ZNF354B: variants seen among roughly 807,000 people sequenced by gnomAD.
ZNF354B encodes zinc finger protein 354B.
In ZNF354B, 10 loss-of-function variants were observed where a neutral mutation model predicts 12.9. That is an observed-to-expected ratio of 0.77 (90% CI 0.48 to 1.31). The LOEUF is 1.31. ZNF354B is among the 40% of genes most tolerant of loss of function. ZNF354B has a pLI of 0.00. For synonymous variants in ZNF354B, 260 were observed against 243.7 expected, an observed-to-expected ratio of 1.07 and a Z score of -0.62; for missense variants, 614 against 711.7, an observed-to-expected ratio of 0.86 and a Z score of 1.56.
intron 1 of ZNF354B, among the ~76,000 whole-genome samples, chr5:178,860,337 G>A (rs988057286): frequency 7.1e-6 from 1 of 140,892 alleles, no homozygotes; most frequent in African/African-American, 2.5e-5. Context: ...CGCCCGCCGT[G>A]AACGCGGGGC....
At chr5:178,865,521 C>T (rs10045417) in intron 2 of ZNF354B, among the ~76,000 whole-genome samples, 2,195 of 152,230 alleles carry the variant, frequency 0.014, 61 homozygotes, top group African/African-American at 0.05. Flanking sequence ...GCCATCTCGG[C>T]CTCCCAAAGT....
At position 178,884,594 on chromosome 5, in the gene ZNF354B, G is replaced by T; in HGVS notation, c.*303G>T. The T allele has an allele frequency of 4.6e-6, 1 of 219,594 alleles. No homozygotes were observed. The highest frequency in any genetic ancestry group is 5.5e-5 in the Admixed American group (1 of 18,320). 13.6% of individuals were successfully genotyped at this position (219,594 alleles called of 1,614,324 possible). On this transcript the variant is annotated 3_prime_UTR_variant, in exon 5 of 5. Coordinates refer to ENST00000322434, the MANE Select transcript of ZNF354B (RefSeq NM_058230.3). The stretch of plus-strand genomic sequence containing the variant: ...AAAAGAAAAGTCTGGGTGCTGAGGT[G>T]CTGAATTTTTCATTAGAAAAACATT...
Position 178,866,304 on chromosome 5 carries a change from G to T in ZNF354B, c.94G>T (p.Ala32Ser). The change falls in exon 3 of 5, where the codon GCT (alanine) becomes TCT (serine). Residue 32 changes from alanine to serine, a missense_variant. Coordinates refer to ENST00000322434, the MANE Select transcript of ZNF354B (RefSeq NM_058230.3). Reference sequence around the variant, plus strand: ...TACCTGGGATGAGTGGAGAAAGCTGGCTCCTTCTCAGAGAAACTTGTACCG... The same window carrying T: ...TACCTGGGATGAGTGGAGAAAGCTGTCTCCTTCTCAGAGAAACTTGTACCG... ...LFTWDEWRKLAPSQRNLYRDV... is the reference protein window; with the variant it reads ...LFTWDEWRKLSPSQRNLYRDV... The T allele has an allele frequency of 6.2e-7, 1 of 1,614,112 alleles. No homozygotes were observed. Among genetic ancestry groups the T allele is most frequent in the South Asian group, 1.1e-5 (1 of 91,078 alleles).
intron 4 of ZNF354B, among the ~76,000 whole-genome samples, chr5:178,878,401 T>C (rs1757668973): frequency 6.6e-6 from 1 of 151,812 alleles, no homozygotes; most frequent in African/African-American, 2.4e-5. Context: ...AAAAAAAAGT[T>C]ACAGTTATGA....
At chr5:178,874,811 G>T (rs1581813630) in intron 4 of ZNF354B, among the ~76,000 whole-genome samples, 1 of 152,188 alleles carries the variant, frequency 6.6e-6, no homozygotes, top group Non-Finnish European at 1.5e-5. Flanking sequence ...CTGGGTTTTT[G>T]ATTTGCCAGA....
intron 2 of ZNF354B, among the ~76,000 whole-genome samples, chr5:178,861,772 C>T (rs1438361286): frequency 6.6e-6 from 1 of 152,166 alleles, no homozygotes; most frequent in African/African-American, 2.4e-5. Flanking sequence ...CAGATGGCAG[C>T]GTTTTAACCC....
chr5:178,872,092 G>A (rs1462632159), intron 4 of ZNF354B, among the ~76,000 whole-genome samples: 7 of 152,228 alleles, frequency 4.6e-5, no homozygotes, highest in South Asian at 2.1e-4. Context: ...ATCCCTCCTG[G>A]TATCCGTTTT....
At chr5:178,862,162 G>T (rs74642047) in intron 2 of ZNF354B, among the ~76,000 whole-genome samples, 22,803 of 151,798 alleles carry the variant, frequency 0.15, 2,101 homozygotes, top group African/African-American at 0.26. Flanking sequence ...TCTCTCACTC[G>T]CACAGTAGCA....
chr5:178,863,123 A>T (rs1757387240), intron 2 of ZNF354B, among the ~76,000 whole-genome samples: 1 of 152,188 alleles, frequency 6.6e-6, no homozygotes, highest in East Asian at 1.9e-4. Flanking sequence ...TTCTTTGAGA[A>T]CAAAGATCAT....
At chr5:178,864,438 A>G (rs1315972482) in intron 2 of ZNF354B, among the ~76,000 whole-genome samples, 2 of 152,134 alleles carry the variant, frequency 1.3e-5, no homozygotes, top group Non-Finnish European at 2.9e-5. Flanking sequence ...TATTCCCATA[A>G]TGATGAAATG....
chr5:178,864,733 C>T (rs1028999899), intron 2 of ZNF354B, among the ~76,000 whole-genome samples: 3 of 151,994 alleles, frequency 2.0e-5, no homozygotes, highest in Non-Finnish European at 2.9e-5. Flanking sequence ...AGCAATTCTC[C>T]TGCCTCAACC....
At chr5:178,866,915 G>T (rs1469715791) in intron 3 of ZNF354B, 61 bp from the exon 4 acceptor site, 2 of 1,512,942 alleles carry the variant, frequency 1.3e-6, no homozygotes, top group African/African-American at 2.8e-5. Flanking sequence ...ATAATCAAGG[G>T]ATACTTTGTT....
chr5:178,866,448 T>A, intron 3 of ZNF354B, 78 bp downstream of exon 3: 1 of 1,532,216 alleles, frequency 6.5e-7, no homozygotes, highest in Admixed American at 2.2e-5. Context: ...TAAAAGCAGT[T>A]GATCACTGAA....
At chr5:178,878,736 C>T (rs1224150266) in intron 4 of ZNF354B, among the ~76,000 whole-genome samples, 1 of 152,058 alleles carries the variant, frequency 6.6e-6, no homozygotes, top group African/African-American at 2.4e-5. Flanking sequence ...GAGTTTTGCT[C>T]TTGTTACCCA....
chr5:178,883,544 G>T lies in ZNF354B; in HGVS notation c.1092G>T (p.Lys364Asn). ...GTAATGAATGTGGCAACACCTTTAAGTCTAGCTCATCCCTTCGTTATCATC... is the reference window on the plus strand; with the variant it reads ...GTAATGAATGTGGCAACACCTTTAATTCTAGCTCATCCCTTCGTTATCATC... ...YLCNECGNTF[K>N]SSSSLRYHQR... The change falls in exon 5 of 5, where the codon AAG becomes AAT. Residue 364 changes from lysine (K) to asparagine (N), a missense_variant. Coordinates refer to ENST00000322434, the MANE Select transcript of ZNF354B (RefSeq NM_058230.3). 6.2e-7 allele frequency: 1 copy of T among 1,614,014 alleles called. No homozygotes were observed. Among genetic ancestry groups the T allele is most frequent in the Non-Finnish European group, 8.5e-7 (1 of 1,179,962 alleles).
At chr5:178,879,346 C>T (rs115362711) in intron 4 of ZNF354B, among the ~76,000 whole-genome samples, 1,736 of 151,856 alleles carry the variant, frequency 0.011, 31 homozygotes, top group African/African-American at 0.039. Flanking sequence ...TGTGCCCAGC[C>T]TGTGTGCTGA....
chr5:178,880,830 C>CTTT (rs1370506200), intron 4 of ZNF354B, among the ~76,000 whole-genome samples: 1 of 113,850 alleles, frequency 8.8e-6, no homozygotes, highest in Non-Finnish European at 1.7e-5. Flanking sequence ...AACTCATGGT[C>CTTT]ATTTTTTTTT....
intron 4 of ZNF354B, among the ~76,000 whole-genome samples, chr5:178,868,921 G>A (rs367602779): frequency 2.7e-5 from 4 of 150,904 alleles, no homozygotes; most frequent in Admixed American, 1.3e-4. Context: ...GCAGCGAGCC[G>A]AGATCGCGCC....
intron 4 of ZNF354B, among the ~76,000 whole-genome samples, chr5:178,867,856 A>ATT (rs1348716284): frequency 9.9e-5 from 15 of 152,206 alleles, no homozygotes; most frequent in Non-Finnish European, 2.1e-4. Flanking sequence ...TACATGTAAC[A>ATT]TTTTAATTTT....
Sources: allele counts gnomAD v4.1 joint callset (sites outside exome capture counted in the v4.1 genomes callset), GRCh38; gene constraint gnomAD v4.1.1; transcripts MANE v1.5; gene names NCBI Gene and HGNC (gene_info 2026-07-23, HGNC 2026-07-21).